The following NADK2 variants were observed in gnomAD, a reference collection of about 807,000 sequenced individuals.
NADK2 encodes the protein NAD kinase domain-containing protein 1, mitochondrial.
A neutral mutation model predicts 62.1 loss-of-function variants in NADK2; 35 were observed. The ratio of observed to expected loss-of-function variants is 0.56; its 90% CI spans 0.43 to 0.75. The LOEUF (loss-of-function observed/expected upper bound fraction) is 0.75. Among genes scored for constraint, NADK2 ranks in the 30% least tolerant of loss-of-function variants. NADK2 has a pLI of 0.00. For synonymous variants in NADK2, 205 were observed against 207.9 expected (o/e 0.99, Z 0.12); for missense variants, 439 against 561.3 (o/e 0.78, Z 2.20).
intron 9 of NADK2, 129 bp from the exon 10 acceptor site, chr5:36,200,409 C>A: frequency 2.5e-6 from 1 of 392,542 alleles, no homozygotes; most frequent in Non-Finnish European, 4.2e-6. Context: ...TATTATGTAA[C>A]ATAATAGCTA....
At chr5:36,231,371 G>C (rs890597321) in intron 1 of NADK2, among the ~76,000 whole-genome samples, 2 of 152,188 alleles carry the variant, frequency 1.3e-5, no homozygotes, top group Non-Finnish European at 2.9e-5. Flanking sequence ...CATTGAAGCA[G>C]AAATGTCAGT....
intron 11 of NADK2, among the ~76,000 whole-genome samples, chr5:36,197,137 T>C (rs995684732): frequency 4.6e-5 from 7 of 152,052 alleles, no homozygotes; most frequent in Non-Finnish European, 8.8e-5. Flanking sequence ...AAGAAATGAA[T>C]ACTATTCTAA....
At chr5:36,227,903 G>C (rs1409037873) in intron 1 of NADK2, among the ~76,000 whole-genome samples, 1 of 149,486 alleles carries the variant, frequency 6.7e-6, no homozygotes, top group African/African-American at 2.5e-5. Flanking sequence ...GGAGTGCAGT[G>C]GTGTGATCTC....
chr5:36,205,928 T>C lies in NADK2; in HGVS notation c.956+1242A>G, dbSNP rs1746617097. 6.6e-6 allele frequency among the ~76,000 whole-genome samples: 1 copy of C among 151,912 alleles called. No homozygotes were observed. The highest frequency in any genetic ancestry group is 2.4e-5 in the African/African-American group (1 of 41,336). On this transcript the variant is annotated intron_variant, in intron 8 of 11. Coordinates refer to ENST00000381937, the MANE Select transcript of NADK2 (RefSeq NM_001085411.3). The surrounding 1 kb of genome is among the most constrained non-coding windows in gnomAD (Gnocchi z 4.1). The stretch of plus-strand genomic sequence containing the variant: ...CCAATAACAGACTGGATAAAGAAAA[T>C]GTGGCACATATATACCATGGAATAC...
chr5:36,219,812 C>A, intron 4 of NADK2, 133 bp from the exon 5 acceptor site: 1 of 616,990 alleles, frequency 1.6e-6, no homozygotes, highest in Non-Finnish European at 2.7e-6. Context: ...ACCCTATATT[C>A]CATTTTTTGC....
At chr5:36,233,571 A>G (rs1561076111) in intron 1 of NADK2, among the ~76,000 whole-genome samples, 1 of 152,222 alleles carries the variant, frequency 6.6e-6, no homozygotes, top group South Asian at 2.1e-4. Flanking sequence ...GATCACAGCC[A>G]GCATTATCAT....
chr5:36,239,294 T>C (rs1190422810), intron 1 of NADK2, among the ~76,000 whole-genome samples: 1 of 152,236 alleles, frequency 6.6e-6, no homozygotes, highest in Non-Finnish European at 1.5e-5. Context: ...CCAGTATTCT[T>C]TGGCCTGTTA....
rs1318987310 is a variant in NADK2 at position 36,194,859 on chromosome 5, GC to G, written c.*284del. ...AATATTTAGTCCTTTATTTAAGCCT[GC>G]CCCTCTAAATTTAAAAAGGTATCAG... On this transcript the variant is annotated 3_prime_UTR_variant, in exon 12 of 12. Coordinates refer to ENST00000381937, the MANE Select transcript of NADK2 (RefSeq NM_001085411.3). 1 of 271,178 alleles carries G rather than the reference GC, an allele frequency of 3.7e-6. No homozygotes were observed. Among genetic ancestry groups the G allele is most frequent in the African/African-American group, 2.2e-5 (1 of 45,148 alleles). The allele number at this position is 271,178 out of a possible 1,614,324, so 16.8% of individuals were successfully genotyped here.
chr5:36,195,753 T>TA (rs1746208297), intron 11 of NADK2, among the ~76,000 whole-genome samples: 1 of 152,164 alleles, frequency 6.6e-6, no homozygotes, highest in African/African-American at 2.4e-5. Flanking sequence ...AATCAACTCT[T>TA]ACCCAGCTTG....
intron 3 of NADK2, among the ~76,000 whole-genome samples, chr5:36,226,171 T>C (rs1302741898): frequency 1.3e-5 from 2 of 152,160 alleles, no homozygotes; most frequent in Non-Finnish European, 2.9e-5. Context: ...TTAAACTCTT[T>C]ATCAACTTCA....
chr5:36,223,140 A>C (rs1747338394), intron 4 of NADK2, among the ~76,000 whole-genome samples: 1 of 152,180 alleles, frequency 6.6e-6, no homozygotes, highest in South Asian at 2.1e-4. Context: ...TAAAACCAGG[A>C]AAGTTCCAAG....
chr5:36,235,747 C>T (rs1747881448), intron 1 of NADK2, among the ~76,000 whole-genome samples: 1 of 152,010 alleles, frequency 6.6e-6, no homozygotes, highest in African/African-American at 2.4e-5. Context: ...CTATTCTGTT[C>T]TTTATCAGGA....
chr5:36,225,424 A>G, intron 4 of NADK2, 118 bp downstream of exon 4: 1 of 769,086 alleles, frequency 1.3e-6, no homozygotes, highest in Non-Finnish European at 2.1e-6. Flanking sequence ...CCAAATTTTA[A>G]GACAGACCAT....
rs1469695424 is a variant in NADK2 at position 36,241,171 on chromosome 5, C to T, written c.300+328G>A. ...GGAACGAGGGCGGGGGCGGCGAGGGCACCAACGAATCCTCAAACCCCTCAC... is the reference window on the plus strand; with the variant it reads ...GGAACGAGGGCGGGGGCGGCGAGGGTACCAACGAATCCTCAAACCCCTCAC... On this transcript the variant is annotated intron_variant, in intron 1 of 11. Transcript: ENST00000381937. This position sits in a 1 kb window ranked among gnomAD's most constrained non-coding sequence, Gnocchi z 4.9. Among the ~76,000 whole-genome samples the T allele has an allele frequency of 1.3e-5, 2 of 152,188 alleles. No individual in the cohort carries two copies.
At position 36,208,591 on chromosome 5, in the gene NADK2, GA is replaced by G. The variant is rs760923740; in HGVS notation, c.861-1327del. On this transcript the variant is annotated intron_variant, in intron 7 of 11. Transcript: ENST00000381937. ...CAGTTCATAGAATTTTTGTTTCAGGGAAATTATTTTTTTAAGGCAGCAATAA... is the reference window on the plus strand; with the variant it reads ...CAGTTCATAGAATTTTTGTTTCAGGGAATTATTTTTTTAAGGCAGCAATAA... 9 of 1,435,116 alleles carry G rather than the reference GA, an allele frequency of 6.3e-6. No individual in the cohort carries two copies. In the South Asian group the frequency reaches 1.2e-4, roughly 18 times the overall value. 88.9% of individuals were successfully genotyped at this position (1,435,116 alleles called of 1,614,324 possible). A position where few individuals can be genotyped will look rare whatever the true frequency, so the allele number is the denominator to read the frequency against.
At chr5:36,231,605 T>C (rs1285104254) in intron 1 of NADK2, among the ~76,000 whole-genome samples, 3 of 152,230 alleles carry the variant, frequency 2.0e-5, no homozygotes, top group Non-Finnish European at 4.4e-5. Context: ...ACTATTCAAC[T>C]GGCTTTAATT....
At chr5:36,227,454 A>C (rs756952392) in intron 2 of NADK2, 23 bp downstream of exon 2, 9 of 1,283,132 alleles carry the variant, frequency 7.0e-6, no homozygotes, top group Non-Finnish European at 4.1e-6. Flanking sequence ...AATCCAACCC[A>C]AGACCCAATC....
chr5:36,234,748 GTCTTGTTACTT>G (rs1442313358), intron 1 of NADK2, among the ~76,000 whole-genome samples: 2 of 152,180 alleles, frequency 1.3e-5, no homozygotes, highest in African/African-American at 4.8e-5. Flanking sequence ...ATACACAGGT[GTCTTGTTACTT>G]TCTGAAACAT....
intron 1 of NADK2, among the ~76,000 whole-genome samples, chr5:36,231,839 G>C (rs1306937653): frequency 6.6e-6 from 1 of 152,084 alleles, no homozygotes. Context: ...CTGAAATTTA[G>C]AACACATTCC....
Sources: allele counts gnomAD v4.1 joint callset (sites outside exome capture counted in the v4.1 genomes callset), GRCh38; gene constraint gnomAD v4.1.1; non-coding constraint Gnocchi (gnomAD v3.1); transcripts MANE v1.5; gene names NCBI Gene and HGNC (gene_info 2026-07-23, HGNC 2026-07-21).